The following CDKAL1 variants were observed in gnomAD, a reference collection of about 807,000 sequenced individuals.
CDKAL1 encodes the protein CDKAL1 threonylcarbamoyladenosine tRNA methylthiotransferase.
Under a neutral mutation model 68.2 loss-of-function variants are expected in CDKAL1, and 32 were observed. The ratio of observed to expected loss-of-function variants is 0.47; its 90% confidence interval spans 0.35 to 0.63. The LOEUF (loss-of-function observed/expected upper bound fraction) is 0.63. Ranked by LOEUF, CDKAL1 falls within the 30% of genes least tolerant of loss-of-function variation. The probability of loss-of-function intolerance (pLI) is 0.00; values close to 1 mark genes in which losing one functional copy is unlikely to be tolerated. For missense variants in CDKAL1, 606 were observed against 696.7 expected (o/e 0.87, Z 1.47); for synonymous variants, 234 against 244.3 (o/e 0.96, Z 0.39).
intron 9 of CDKAL1, among the ~76,000 whole-genome samples, chr6:20,942,958 A>AAG (rs1300907681): frequency 2.7e-5 from 4 of 150,024 alleles, no homozygotes; most frequent in Non-Finnish European, 4.4e-5. Flanking sequence ...TGTCTCAAAA[A>AAG]AAAAAAAAAA....
intron 9 of CDKAL1, among the ~76,000 whole-genome samples, chr6:20,923,046 G>A (rs1763026194): frequency 6.6e-6 from 1 of 152,116 alleles, no homozygotes; most frequent in Non-Finnish European, 1.5e-5. Flanking sequence ...AAAGGTATTT[G>A]GGGGAGAAAA....
chr6:20,668,043 T>C (rs1769636433), intron 5 of CDKAL1, among the ~76,000 whole-genome samples: 1 of 152,000 alleles, frequency 6.6e-6, no homozygotes. Flanking sequence ...TCTCTTTCGC[T>C]TCTTCTCTCT....
At chr6:20,783,886 C>T (rs1775540618) in intron 8 of CDKAL1, among the ~76,000 whole-genome samples, 1 of 152,130 alleles carries the variant, frequency 6.6e-6, no homozygotes. Flanking sequence ...TCCTCAGATA[C>T]AACATCTATG....
intron 4 of CDKAL1, among the ~76,000 whole-genome samples, chr6:20,553,252 G>A (rs1385395186): frequency 1.3e-5 from 2 of 152,138 alleles, no homozygotes; most frequent in African/African-American, 2.4e-5. Flanking sequence ...GCTCACGCCC[G>A]TAATCCCAGC....
At chr6:20,790,982 G>C (rs550517481) in intron 8 of CDKAL1, among the ~76,000 whole-genome samples, 1 of 152,148 alleles carries the variant, frequency 6.6e-6, no homozygotes, top group South Asian at 2.1e-4. Context: ...GGTGGAGGAG[G>C]GGGGATCAAT....
intron 4 of CDKAL1, among the ~76,000 whole-genome samples, chr6:20,577,868 G>GTTA (rs1764976805): frequency 6.6e-6 from 1 of 152,122 alleles, no homozygotes; most frequent in African/African-American, 2.4e-5. Flanking sequence ...TTAGTATCAT[G>GTTA]GTATAAGCAG....
chr6:20,917,340 C>A (rs906484959), intron 9 of CDKAL1, among the ~76,000 whole-genome samples: 1 of 152,014 alleles, frequency 6.6e-6, no homozygotes, highest in African/African-American at 2.4e-5. Context: ...ACAGTGAGAC[C>A]TTTCTTTTAA....
intron 13 of CDKAL1, among the ~76,000 whole-genome samples, chr6:21,142,233 A>G (rs1396125666): frequency 1.3e-5 from 2 of 151,392 alleles, no homozygotes; most frequent in Non-Finnish European, 2.9e-5. Context: ...CTTGAGATAG[A>G]GGCAAGCAGG....
chr6:20,825,913 A>G (rs892369337), intron 8 of CDKAL1, among the ~76,000 whole-genome samples: 7 of 151,962 alleles, frequency 4.6e-5, no homozygotes, highest in African/African-American at 1.5e-4. Flanking sequence ...TCTCCATTCT[A>G]TTTCTTATTC....
chr6:21,215,715 T>A (rs954112930), intron 15 of CDKAL1, among the ~76,000 whole-genome samples: 7 of 152,170 alleles, frequency 4.6e-5, no homozygotes, highest in Non-Finnish European at 1.0e-4. Flanking sequence ...GCTCTAGATA[T>A]CCGGTGCTTT....
chr6:20,748,987 G>A (rs1298165340), intron 6 of CDKAL1, among the ~76,000 whole-genome samples: 1 of 147,474 alleles, frequency 6.8e-6, no homozygotes, highest in Non-Finnish European at 1.5e-5. Context: ...GTATATATAT[G>A]TATGTGTGTG....
Position 21,000,167 on chromosome 6 carries a change from A to G in CDKAL1, c.910-60A>G, listed in dbSNP as rs79721492. 1.6e-3 allele frequency: 2,315 copies of G among 1,410,244 alleles called. 41 individuals carry two copies. In the African/African-American group the frequency reaches 0.028, roughly 17 times the overall value. 87.4% of individuals were successfully genotyped at this position (1,410,244 alleles called of 1,614,324 possible). On this transcript the variant is annotated intron_variant, in intron 10 of 15. Coordinates refer to ENST00000274695, the MANE Select transcript of CDKAL1 (RefSeq NM_017774.3). ...TGCTTGCGCTTGTGGTGTTGATGTG[A>G]GGAAAACCATTCCACAATTTGTTAA...
chr6:20,753,248 A>G (rs887366784), intron 6 of CDKAL1, among the ~76,000 whole-genome samples: 1 of 147,602 alleles, frequency 6.8e-6, no homozygotes, highest in South Asian at 2.2e-4. Flanking sequence ...GACATTTCCT[A>G]TTGTGACCTT....
At chr6:20,803,142 G>A (rs1306143040) in intron 8 of CDKAL1, among the ~76,000 whole-genome samples, 2 of 152,150 alleles carry the variant, frequency 1.3e-5, no homozygotes, top group African/African-American at 4.8e-5. Flanking sequence ...TTATATGTGG[G>A]TATACATTTG....
chr6:20,623,060 G>GA (rs1031507928), intron 4 of CDKAL1, among the ~76,000 whole-genome samples: 29 of 152,074 alleles, frequency 1.9e-4, no homozygotes, highest in African/African-American at 5.3e-4. Context: ...TTTTGGGGAA[G>GA]AAAAATGTAC....
At chr6:20,895,979 G>C (rs541154528) in intron 9 of CDKAL1, among the ~76,000 whole-genome samples, 78 of 151,774 alleles carry the variant, frequency 5.1e-4, no homozygotes, top group Admixed American at 1.6e-3. Context: ...TTAGGAATAT[G>C]TAAAACAAAC....
chr6:21,110,847 A>G (rs909184675), intron 13 of CDKAL1, among the ~76,000 whole-genome samples: 23 of 152,186 alleles, frequency 1.5e-4, no homozygotes, highest in African/African-American at 5.3e-4. Context: ...GCACACCTGT[A>G]GTCCTAGCTA....
intron 13 of CDKAL1, among the ~76,000 whole-genome samples, chr6:21,129,905 T>C (rs1196006148): frequency 6.6e-6 from 1 of 151,978 alleles, no homozygotes; most frequent in African/African-American, 2.4e-5. Context: ...CTTAATACAG[T>C]CCCTTTTTTT....
chr6:21,049,848 C>T (rs1488894431), intron 11 of CDKAL1, among the ~76,000 whole-genome samples: 1 of 151,116 alleles, frequency 6.6e-6, no homozygotes, highest in East Asian at 1.9e-4. Flanking sequence ...ATTTGACAGC[C>T]ACTTTTCCAA....
Sources: gnomAD v4.1 joint callset for allele counts (sites outside exome capture counted in the v4.1 genomes callset) on GRCh38, gnomAD v4.1.1 for gene constraint, MANE v1.5 for transcripts, NCBI Gene and HGNC (gene_info 2026-07-23, HGNC 2026-07-21) for gene names.